The following GLB1L3 variants were observed in gnomAD, a reference collection of about 807,000 sequenced individuals.
The protein encoded by GLB1L3 is galactosidase beta 1 like 3, also known as beta-galactosidase-1-like protein 3.
GLB1L3 carries 89 observed loss-of-function variants against 89.5 expected under a neutral mutation model. The ratio of observed to expected loss-of-function variants is 0.99; its 90% CI spans 0.84 to 1.19. The LOEUF is 1.19. Among genes scored for constraint, GLB1L3 ranks in the 50% most tolerant of loss-of-function variants. The probability of loss-of-function intolerance (pLI) is 0.00; values close to 1 mark genes in which losing one functional copy is unlikely to be tolerated. For missense variants in GLB1L3, 812 were observed against 813.3 expected (o/e 1.00, Z 0.02); for synonymous variants, 314 against 312.3 (o/e 1.01, Z -0.06).
chr11:134,279,364 CTTTTTTTT>C (rs10577769), intron 3 of GLB1L3, among the ~76,000 whole-genome samples: 4 of 108,342 alleles, frequency 3.7e-5, no homozygotes, highest in Admixed American at 1.1e-4. Flanking sequence ...TTTTCTTTTT[CTTTTTTTT>C]TTTTTTTTTT....
intron 13 of GLB1L3, 44 bp from the exon 14 acceptor site, chr11:134,312,305 C>A: frequency 6.2e-7 from 1 of 1,601,766 alleles, no homozygotes; most frequent in Non-Finnish European, 8.5e-7. Context: ...AGGATCCTGA[C>A]TGCTCAGCCC....
chr11:134,315,880 C>CTTT (rs1163186713), intron 18 of GLB1L3, among the ~76,000 whole-genome samples: 2 of 152,044 alleles, frequency 1.3e-5, no homozygotes, highest in Admixed American at 6.6e-5. Flanking sequence ...AGATAATGGA[C>CTTT]TTTCAGTCTT....
intron 15 of GLB1L3, 45 bp from the exon 16 acceptor site, chr11:134,313,351 C>T: frequency 1.4e-6 from 2 of 1,475,906 alleles, no homozygotes; most frequent in Non-Finnish European, 1.9e-6. Flanking sequence ...CGGGTAGACG[C>T]CCTCCATGGC....
chr11:134,317,316 G>A (rs573016075), intron 18 of GLB1L3, among the ~76,000 whole-genome samples: 1 of 151,938 alleles, frequency 6.6e-6, no homozygotes, highest in Non-Finnish European at 1.5e-5. Flanking sequence ...TAAATATATC[G>A]GTCCATTCCA....
intron 6 of GLB1L3, among the ~76,000 whole-genome samples, chr11:134,284,372 A>G (rs369832286): frequency 3.3e-5 from 5 of 151,962 alleles, no homozygotes; most frequent in Non-Finnish European, 7.4e-5. Context: ...TAGATTTGAA[A>G]CCAGCCACTC....
intron 10 of GLB1L3, among the ~76,000 whole-genome samples, chr11:134,308,434 CCACCACCACCAT>C (rs1942452273): frequency 1.4e-4 from 11 of 79,722 alleles, no homozygotes; most frequent in Admixed American, 2.8e-4. Context: ...ACCATCACCA[CCACCACCACCAT>C]CACCACCACC....
At chr11:134,319,960 C>T (rs1240700290), downstream of GLB1L3, among the ~76,000 whole-genome samples, 1 of 152,098 alleles carries the variant, frequency 6.6e-6, no homozygotes. Context: ...TACTCCCTGT[C>T]TATCTGGCTA....
chr11:134,292,443 C>T, intron 8 of GLB1L3: 1 of 432,312 alleles, frequency 2.3e-6, no homozygotes, highest in African/African-American at 2.0e-5. Context: ...AACACAGCAG[C>T]ACTGGAGCTC....
chr11:134,286,110 T>G (rs1281786635), intron 6 of GLB1L3, among the ~76,000 whole-genome samples: 3 of 152,060 alleles, frequency 2.0e-5, no homozygotes, highest in Non-Finnish European at 4.4e-5. Context: ...GGTTTCACCA[T>G]GTTGCCCAGG....
intron 9 of GLB1L3, among the ~76,000 whole-genome samples, chr11:134,302,424 C>T (rs1175371706): frequency 2.6e-5 from 4 of 152,140 alleles, no homozygotes; most frequent in Admixed American, 6.5e-5. Context: ...CTTTGGACAT[C>T]ATAGTTGATA....
At chr11:134,291,959 C>T (rs1353947209) in intron 7 of GLB1L3, among the ~76,000 whole-genome samples, 173 bp from the exon 8 acceptor site, 5 of 152,182 alleles carry the variant, frequency 3.3e-5, no homozygotes, top group African/African-American at 1.2e-4. Context: ...CGGGGAAACA[C>T]AGCAAGACCC....
At chr11:134,295,881 G>C (rs1262298910) in intron 9 of GLB1L3, among the ~76,000 whole-genome samples, 1 of 152,074 alleles carries the variant, frequency 6.6e-6, no homozygotes, top group Non-Finnish European at 1.5e-5. Flanking sequence ...TGCCTCAGTT[G>C]GGAGTGTGCT....
chr11:134,320,044 A>G (rs373079328), downstream of GLB1L3, among the ~76,000 whole-genome samples: 1 of 152,168 alleles, frequency 6.6e-6, no homozygotes, highest in East Asian at 1.9e-4. Flanking sequence ...TCCAACCACT[A>G]TGAAAAGCCA....
At chr11:134,319,834 A>T (rs750166073), downstream of GLB1L3, among the ~76,000 whole-genome samples, 24 of 152,028 alleles carry the variant, frequency 1.6e-4, no homozygotes, top group Non-Finnish European at 2.9e-5. Flanking sequence ...CCCTTCAACT[A>T]TGTGTCTACA....
intron 6 of GLB1L3, among the ~76,000 whole-genome samples, chr11:134,286,779 AAAAT>A (rs765184016): frequency 3.3e-5 from 5 of 150,234 alleles, no homozygotes; most frequent in Non-Finnish European, 5.9e-5. Flanking sequence ...TCCGTCTCAA[AAAAT>A]AAATAAATAC....
At chr11:134,308,306 C>CACT (rs1942386597) in intron 10 of GLB1L3, among the ~76,000 whole-genome samples, 1 of 57,458 alleles carries the variant, frequency 1.7e-5, no homozygotes, top group African/African-American at 8.7e-5. Flanking sequence ...CCACCACCAC[C>CACT]ACCACTACCA....
At chr11:134,296,834 A>T (rs1342884689) in intron 9 of GLB1L3, among the ~76,000 whole-genome samples, 1 of 106,470 alleles carries the variant, frequency 9.4e-6, no homozygotes, top group Non-Finnish European at 1.9e-5. Context: ...TAAAACTTAA[A>T]GTATAATAAT....
In GLB1L3 at chr11:134,276,698, G is replaced by A. The variant is rs759972510; in HGVS notation, c.-43G>A. The A allele has an allele frequency of 3.5e-6, 5 of 1,422,452 alleles. No homozygotes were observed. In the South Asian group the frequency reaches 5.7e-5, roughly 16 times the overall value. 88.1% of individuals were successfully genotyped at this position (1,422,452 alleles called of 1,614,324 possible). A position where few individuals can be genotyped will look rare whatever the true frequency, so the allele number is the denominator to read the frequency against. On this transcript the variant is annotated 5_prime_UTR_variant, in exon 1 of 20. Coordinates refer to ENST00000431683, the MANE Select transcript of GLB1L3 (RefSeq NM_001080407.3). ...CGCGGCGTCGGGGCCAGCGGAGAGG[G>A]GCGGAAGCCGCAAGGGACCCTCGGC...
chr11:134,317,083 A>G (rs1256793091), intron 18 of GLB1L3: 1 of 152,224 alleles, frequency 6.6e-6, no homozygotes, highest in East Asian at 1.9e-4. Flanking sequence ...AAACTTGATG[A>G]TCTTTACCAA....
Sources: gnomAD v4.1 joint callset for allele counts (sites outside exome capture counted in the v4.1 genomes callset) on GRCh38, gnomAD v4.1.1 for gene constraint, MANE v1.5 for transcripts, NCBI Gene and HGNC (gene_info 2026-07-23, HGNC 2026-07-21) for gene names.